The following SPOCK1 variants were observed in gnomAD, a reference collection of about 807,000 sequenced individuals.
SPOCK1 encodes the protein SPARC (osteonectin), cwcv and kazal like domains proteoglycan 1.
A neutral mutation model predicts 55.3 loss-of-function variants in SPOCK1; 23 were observed. The observed-to-expected ratio is 0.42, with a 90% CI of 0.30 to 0.59. SPOCK1 has a LOEUF of 0.59. SPOCK1 is among the 20% of genes least tolerant of loss of function. The pLI is 0.22. For missense variants in SPOCK1, 499 were observed against 552.5 expected, an observed-to-expected ratio of 0.90 and a Z score of 0.97; for synonymous variants, 226 against 221.0, an observed-to-expected ratio of 1.02 and a Z score of -0.20.
intron 2 of SPOCK1, among the ~76,000 whole-genome samples, chr5:137,407,009 T>C (rs1752113958): frequency 6.6e-6 from 1 of 152,220 alleles, no homozygotes; most frequent in Admixed American, 6.5e-5. Context: ...GTGGCCAAGC[T>C]GGGTCTTGAA....
intron 2 of SPOCK1, among the ~76,000 whole-genome samples, chr5:137,447,557 T>C (rs1580932394): frequency 1.3e-5 from 2 of 152,074 alleles, no homozygotes; most frequent in African/African-American, 2.4e-5. Flanking sequence ...CACACACAAG[T>C]AAAAAGCAAA....
At chr5:137,057,154 T>C (rs1208299654) in intron 6 of SPOCK1, among the ~76,000 whole-genome samples, 1 of 152,114 alleles carries the variant, frequency 6.6e-6, no homozygotes, top group Non-Finnish European at 1.5e-5. Context: ...TAACCAGATC[T>C]CCTACTGTGT....
intron 2 of SPOCK1, among the ~76,000 whole-genome samples, chr5:137,343,710 T>C (rs1750490186): frequency 6.6e-6 from 1 of 152,218 alleles, no homozygotes; most frequent in Non-Finnish European, 1.5e-5. Flanking sequence ...GTCAATCCCT[T>C]CTACAATACC....
chr5:137,489,556 AT>A (rs1754130235), intron 2 of SPOCK1, among the ~76,000 whole-genome samples: 2 of 152,304 alleles, frequency 1.3e-5, no homozygotes, highest in South Asian at 4.1e-4. Flanking sequence ...TACAATAGAG[AT>A]GGCTGCAGAA....
intron 3 of SPOCK1, among the ~76,000 whole-genome samples, chr5:137,242,354 T>C (rs1279203014): frequency 1.3e-5 from 2 of 152,160 alleles, no homozygotes. Context: ...TCTCATGAGA[T>C]CTGATGGTTT....
chr5:137,376,586 G>T (rs1159197265), intron 2 of SPOCK1, among the ~76,000 whole-genome samples: 1 of 152,150 alleles, frequency 6.6e-6, no homozygotes, highest in Non-Finnish European at 1.5e-5. Flanking sequence ...CCATACAAAG[G>T]TTTCACTTTT....
intron 5 of SPOCK1, among the ~76,000 whole-genome samples, chr5:137,077,115 G>A (rs1318820586): frequency 6.6e-6 from 1 of 152,076 alleles, no homozygotes; most frequent in Non-Finnish European, 1.5e-5. Context: ...TAGTAGAGAC[G>A]GGGTTTCACC....
intron 2 of SPOCK1, among the ~76,000 whole-genome samples, chr5:137,417,008 T>G (rs1408661108): frequency 6.6e-6 from 1 of 152,174 alleles, no homozygotes; most frequent in Non-Finnish European, 1.5e-5. Context: ...TAATATTTCT[T>G]TATGTATTTT....
intron 5 of SPOCK1, among the ~76,000 whole-genome samples, chr5:137,088,458 G>T (rs1170960090): frequency 2.6e-5 from 4 of 152,156 alleles, no homozygotes; most frequent in African/African-American, 9.7e-5. Context: ...CAAATCACCT[G>T]ATCGGCCTGC....
chr5:137,498,333 G>T (rs1205284198), intron 2 of SPOCK1, 40 bp downstream of exon 2: 4 of 1,532,312 alleles, frequency 2.6e-6, no homozygotes, highest in East Asian at 4.9e-5. Context: ...CCCTCCGAGA[G>T]GCTCCGCGCC....
At chr5:137,017,640 T>C (rs1301480500) in intron 6 of SPOCK1, among the ~76,000 whole-genome samples, 2 of 152,156 alleles carry the variant, frequency 1.3e-5, no homozygotes, top group East Asian at 3.9e-4. Flanking sequence ...ATTATATTTG[T>C]TATTTTAAAA....
intron 2 of SPOCK1, among the ~76,000 whole-genome samples, chr5:137,451,170 C>T (rs1753247823): frequency 6.6e-6 from 1 of 152,160 alleles, no homozygotes; most frequent in Non-Finnish European, 1.5e-5. Flanking sequence ...CCTCCTTGAT[C>T]CTTAGTCTAA....
At chr5:137,056,571 G>A (rs1752304524) in intron 6 of SPOCK1, among the ~76,000 whole-genome samples, 2 of 151,872 alleles carry the variant, frequency 1.3e-5, no homozygotes, top group African/African-American at 2.4e-5. Flanking sequence ...CATAGGATTA[G>A]TAGCCCTCAT....
At chr5:137,414,051 T>C (rs990315686) in intron 2 of SPOCK1, among the ~76,000 whole-genome samples, 2 of 152,230 alleles carry the variant, frequency 1.3e-5, no homozygotes. Context: ...CAAACCGTGA[T>C]TGGTAAATGA....
intron 3 of SPOCK1, among the ~76,000 whole-genome samples, chr5:137,177,717 AG>A (rs1380947705): frequency 9.9e-5 from 15 of 152,142 alleles, no homozygotes; most frequent in Admixed American, 1.3e-4. Flanking sequence ...GATAAGAAGA[AG>A]GGGAGCCCCA....
intron 2 of SPOCK1, among the ~76,000 whole-genome samples, chr5:137,298,265 G>T (rs184556012): frequency 1.3e-5 from 2 of 152,112 alleles, no homozygotes; most frequent in South Asian, 4.2e-4. Flanking sequence ...ACCAGAATGG[G>T]GTCTCCTGAG....
rs1402990549 is a variant in SPOCK1 at position 137,185,023 on chromosome 5, G to A, written c.233-44329C>T. On this transcript the variant is annotated intron_variant, in intron 3 of 10. Coordinates refer to ENST00000394945, the MANE Select transcript of SPOCK1 (RefSeq NM_004598.4). ...AACTACGCTTGAGACTATCTTGTCT[G>A]TCTTGTTGACCACTGTATCCAGCAC... 2.0e-5 allele frequency among the ~76,000 whole-genome samples: 3 copies of A among 152,198 alleles called. No individual in the cohort carries two copies. In the South Asian group the frequency reaches 6.2e-4, roughly 32 times the overall value.
chr5:137,204,444 G>T (rs1266538296), intron 3 of SPOCK1, among the ~76,000 whole-genome samples: 1 of 152,002 alleles, frequency 6.6e-6, no homozygotes, highest in East Asian at 1.9e-4. Context: ...CATATCAGTT[G>T]GTTTCTAGGA....
chr5:137,356,801 A>T (rs1487208721), intron 2 of SPOCK1, among the ~76,000 whole-genome samples: 1 of 4,736 alleles, frequency 2.1e-4, no homozygotes, highest in African/African-American at 1.1e-3. Flanking sequence ...AAAAAATAAT[A>T]TATATATATA....
Sources: gnomAD v4.1 joint callset for allele counts (sites outside exome capture counted in the v4.1 genomes callset) on GRCh38, gnomAD v4.1.1 for gene constraint, MANE v1.5 for transcripts, NCBI Gene and HGNC (gene_info 2026-07-23, HGNC 2026-07-21) for gene names.